Variants in ARHGEF5 observed in about 807,000 individuals in gnomAD.
The protein encoded by ARHGEF5 is Rho guanine nucleotide exchange factor 5.
A neutral mutation model predicts 104.0 loss-of-function variants in ARHGEF5; 11 were observed. The ratio of observed to expected loss-of-function variants is 0.11; its 90% CI spans 0.07 to 0.18. The LOEUF (loss-of-function observed/expected upper bound fraction) is 0.18. Ranked by LOEUF, ARHGEF5 falls within the 10% of genes least tolerant of loss-of-function variation. The pLI, the probability that ARHGEF5 is intolerant of heterozygous loss-of-function variation, is 1.00. For synonymous variants in ARHGEF5, 60 were observed against 512.2 expected, an observed-to-expected ratio of 0.12 and a Z score of 11.92; for missense variants, 165 against 1,335.4, an observed-to-expected ratio of 0.12 and a Z score of 13.66.
At chr7:144,379,757 G>T (rs2053787272) in intron 14 of ARHGEF5, 142 bp from the exon 15 acceptor site, 1 of 1,095,508 alleles carries the variant, frequency 9.1e-7, no homozygotes, top group Admixed American at 2.1e-5. Flanking sequence ...CGCCATGTTA[G>T]GACACTTGGA....
chr7:144,361,190 G>A (rs60996924), intron 1 of ARHGEF5, among the ~76,000 whole-genome samples: 1,650 of 132,160 alleles, frequency 0.012, 28 homozygotes, highest in African/African-American at 0.042. Context: ...TTGCACCACG[G>A]CACTCCAGCC....
At chr7:144,370,594 T>C (rs2053715375) in intron 5 of ARHGEF5, among the ~76,000 whole-genome samples, 1 of 150,450 alleles carries the variant, frequency 6.6e-6, no homozygotes, top group African/African-American at 2.5e-5. Context: ...GCCTCTCAAA[T>C]AGCTGGGACT....
intron 1 of ARHGEF5, among the ~76,000 whole-genome samples, chr7:144,360,076 G>T (rs1467228017): frequency 4.5e-5 from 5 of 112,204 alleles, no homozygotes; most frequent in African/African-American, 1.7e-4. Flanking sequence ...AGGGAAACAA[G>T]AATTTTATTT....
At position 144,380,053 on chromosome 7, in the gene ARHGEF5, C is replaced by A. The variant is rs772098016; in HGVS notation, c.4791C>A (p.Ala1597=). 3 of 1,614,178 alleles carry A rather than the reference C, an allele frequency of 1.9e-6. No individual in the cohort carries two copies. The highest frequency in any genetic ancestry group is 4.5e-5 in the East Asian group (2 of 44,882). Reference sequence around the variant, plus strand: ...AACTACAGCTGGTGGAACAGCAAGCCTAAGTCTTCTCTGAGAGGAGTTTCG... The same window carrying A: ...AACTACAGCTGGTGGAACAGCAAGCATAAGTCTTCTCTGAGAGGAGTTTCG... The part of the protein sequence containing the change: ...TAKLQLVEQQ[A] Residue 1597 remains alanine (A), a synonymous_variant, in exon 15 of 15, where the codon GCC becomes GCA. Coordinates refer to ENST00000056217, the MANE Select transcript of ARHGEF5 (RefSeq NM_005435.4).
chr7:144,378,990 A>T (rs1042135254), intron 14 of ARHGEF5, 124 bp downstream of exon 14: 1 of 922,040 alleles, frequency 1.1e-6, no homozygotes. Context: ...GGCAACAGAA[A>T]TGCATTCTCT....
chr7:144,360,995 C>T (rs1359582961), intron 1 of ARHGEF5, among the ~76,000 whole-genome samples: 3 of 145,576 alleles, frequency 2.1e-5, no homozygotes, highest in South Asian at 2.2e-4. Flanking sequence ...TTCGGGAGGC[C>T]GAGGCGGGTG....
At chr7:144,379,453 AC>A (rs1296871079) in intron 14 of ARHGEF5, among the ~76,000 whole-genome samples, 1 of 151,672 alleles carries the variant, frequency 6.6e-6, no homozygotes, top group African/African-American at 2.4e-5. Context: ...CAAGCAGTCC[AC>A]CCACCTCGGC....
intron 9 of ARHGEF5, 110 bp from the exon 10 acceptor site, chr7:144,373,085 A>G: frequency 1.3e-6 from 1 of 741,146 alleles, no homozygotes; most frequent in Non-Finnish European, 2.3e-6. Flanking sequence ...CCAGCCTGGG[A>G]AAAATGACTG....
chr7:144,360,277 A>G (rs1340589274), intron 1 of ARHGEF5, among the ~76,000 whole-genome samples: 2 of 113,626 alleles, frequency 1.8e-5, no homozygotes, highest in African/African-American at 6.8e-5. Context: ...TGCTCCACTA[A>G]TTTTTGTATT....
In ARHGEF5 at chr7:144,380,228, G is replaced by C. The variant is rs1414003931; in HGVS notation, c.*172G>C. ...CGGCCCAGGCCTCCTTTCGTGCTTT[G>C]TGCTTGGTGGGGGGGATTTCGAGGG... On this transcript the variant is annotated 3_prime_UTR_variant, in exon 15 of 15. Coordinates refer to ENST00000056217, the MANE Select transcript of ARHGEF5 (RefSeq NM_005435.4). 5.2e-6 allele frequency: 4 copies of C among 770,358 alleles called. No individual in the cohort carries two copies. The highest frequency in any genetic ancestry group is 8.0e-6 in the Non-Finnish European group (4 of 499,072). 47.7% of individuals were successfully genotyped at this position (770,358 alleles called of 1,614,324 possible).
chr7:144,379,078 C>G (rs550377265), intron 14 of ARHGEF5, among the ~76,000 whole-genome samples: 12 of 152,306 alleles, frequency 7.9e-5, no homozygotes, highest in Non-Finnish European at 1.6e-4. Context: ...AGGGAAGATC[C>G]TTCCGTACCT....
intron 14 of ARHGEF5, among the ~76,000 whole-genome samples, chr7:144,379,198 C>T (rs947527834): frequency 2.0e-4 from 30 of 152,130 alleles, no homozygotes; most frequent in Non-Finnish European, 2.9e-4. Context: ...TCCAAGTTTT[C>T]CTCCTTTATT....
intron 14 of ARHGEF5, among the ~76,000 whole-genome samples, chr7:144,379,332 G>C (rs1380163434): frequency 6.6e-6 from 1 of 152,132 alleles, no homozygotes; most frequent in African/African-American, 2.4e-5. Context: ...TGATTCTCCT[G>C]TCTCAGTCTC....
chr7:144,357,782 C>T (rs1247250069), intron 1 of ARHGEF5, among the ~76,000 whole-genome samples: 1 of 151,130 alleles, frequency 6.6e-6, no homozygotes, highest in African/African-American at 2.4e-5. Flanking sequence ...AAAGGGATGA[C>T]TTGAAGCTTT....
At chr7:144,361,060 T>A (rs1276736165) in intron 1 of ARHGEF5, among the ~76,000 whole-genome samples, 2 of 143,842 alleles carry the variant, frequency 1.4e-5, no homozygotes, top group Non-Finnish European at 1.5e-5. Context: ...AAACCCCGTC[T>A]CTACTAAAAG....
Position 144,377,172 on chromosome 7 carries a change from G to C in ARHGEF5, c.4513G>C (p.Asp1505His), listed in dbSNP as rs1377476798. 2.6e-6 allele frequency: 4 copies of C among 1,509,810 alleles called. No individual in the cohort carries two copies. In the South Asian group the frequency reaches 5.0e-5, roughly 19 times the overall value. 93.5% of individuals were successfully genotyped at this position (1,509,810 alleles called of 1,614,324 possible). A position where few individuals can be genotyped will look rare whatever the true frequency, so the allele number is the denominator to read the frequency against. The change falls in exon 13 of 15, where the codon GAC (aspartate) becomes CAC (histidine). Residue 1505 changes from aspartate (D) to histidine (H), a missense_variant. Asp to His is a moderately conservative substitution (Grantham distance 81, BLOSUM62 -1). Transcript: ENST00000056217. ...SALAMPREEL[D>H]LLECYNSPQV... ...CTTGGCCATGCCAAGAGAGGAGTTG[G>C]ACCTTCTGGAGTGTTACAGTGAGTG...
At chr7:144,377,510 A>G (rs1363855165) in intron 13 of ARHGEF5, among the ~76,000 whole-genome samples, 1 of 152,094 alleles carries the variant, frequency 6.6e-6, no homozygotes, top group Admixed American at 6.5e-5. Context: ...TTGTTGGGGT[A>G]GGGGAAGAAA....
In ARHGEF5 at chr7:144,379,883, C is replaced by T; in HGVS notation, c.4637-16C>T. 6.2e-7 allele frequency: 1 copy of T among 1,614,026 alleles called. No individual in the cohort carries two copies. The highest frequency in any genetic ancestry group is 8.5e-7 in the Non-Finnish European group (1 of 1,179,936). The stretch of plus-strand genomic sequence containing the variant: ...CCTTTCCCAGGTAATTCTTCCCACT[C>T]ACCCTGTGCCCACAGGCTGGCTGGA... On this transcript the variant is annotated splice_polypyrimidine_tract_variant and intron_variant, in intron 14 of 14. Transcript: ENST00000056217.
intron 1 of ARHGEF5, among the ~76,000 whole-genome samples, chr7:144,357,597 G>T (rs1371116819): frequency 2.0e-4 from 30 of 147,588 alleles, no homozygotes; most frequent in African/African-American, 6.9e-4. Context: ...CAGGAAGCAT[G>T]GTCCTCAAAA....
Sources: gnomAD v4.1 joint callset for allele counts (sites outside exome capture counted in the v4.1 genomes callset) on GRCh38, gnomAD v4.1.1 for gene constraint, MANE v1.5 for transcripts, NCBI Gene and HGNC (gene_info 2026-07-23, HGNC 2026-07-21) for gene names.